The following WNT2 variants were observed in gnomAD, a reference collection of about 807,000 sequenced individuals.
WNT2 encodes the protein protein Wnt-2.
WNT2 carries 12 observed loss-of-function variants against 36.9 expected under a neutral mutation model. The ratio of observed to expected loss-of-function variants is 0.33; its 90% CI spans 0.21 to 0.53. The LOEUF (loss-of-function observed/expected upper bound fraction) is 0.53, where lower values mean the gene tolerates loss of function less well. Among genes scored for constraint, WNT2 ranks in the 20% least tolerant of loss-of-function variants. The pLI is 0.95. For synonymous variants in WNT2, 163 were observed against 174.6 expected, an observed-to-expected ratio of 0.93 and a Z score of 0.52; for missense variants, 379 against 473.1, an observed-to-expected ratio of 0.80 and a Z score of 1.84.
In WNT2 at chr7:117,322,810, G is replaced by A; in HGVS notation, c.83+97C>T. 2 of 1,283,502 alleles carry A rather than the reference G, an allele frequency of 1.6e-6. No individual in the cohort carries two copies. Among genetic ancestry groups the A allele is most frequent in the Non-Finnish European group, 2.2e-6 (2 of 894,270 alleles). The allele number at this position is 1,283,502 out of a possible 1,614,324, so 79.5% of individuals were successfully genotyped here. On this transcript the variant is annotated intron_variant, in intron 1 of 4. Coordinates refer to ENST00000265441, the MANE Select transcript of WNT2 (RefSeq NM_003391.3). The surrounding 1 kb of genome is among the most constrained non-coding windows in gnomAD (Gnocchi z 5.4). ...GTTCGGGCCAGAATCCGAGACTGCT[G>A]CGGCCGCGGGGGAACGCAGCCAGGA...
chr7:117,322,760 G>C lies in WNT2; in HGVS notation c.83+147C>G. The C allele has an allele frequency of 1.4e-6, 1 of 739,692 alleles. No homozygotes were observed. The highest frequency in any genetic ancestry group is 2.1e-5 in the Admixed American group (1 of 46,856). 45.8% of individuals were successfully genotyped at this position (739,692 alleles called of 1,614,324 possible). On this transcript the variant is annotated intron_variant, in intron 1 of 4. Transcript: ENST00000265441. The surrounding 1 kb of genome is among the most constrained non-coding windows in gnomAD (Gnocchi z 5.4). Reference sequence around the variant, plus strand: ...GGGAAAAGAGAAGGGGCTCACCATGGGGCGATAAGAGGGCAGTAGCCAGGG... The same window carrying C: ...GGGAAAAGAGAAGGGGCTCACCATGCGGCGATAAGAGGGCAGTAGCCAGGG...
In WNT2 at chr7:117,322,758, TG is replaced by T; in HGVS notation, c.83+148del. On this transcript the variant is annotated intron_variant, in intron 1 of 4. Transcript: ENST00000265441. The surrounding 1 kb of genome is among the most constrained non-coding windows in gnomAD (Gnocchi z 5.4). ...CTGGGAAAAGAGAAGGGGCTCACCA[TG>T]GGGCGATAAGAGGGCAGTAGCCAGG... The T allele has an allele frequency of 1.4e-6, 1 of 732,476 alleles. No homozygotes were observed. The highest frequency in any genetic ancestry group is 2.4e-6 in the Non-Finnish European group (1 of 423,758). The allele number at this position is 732,476 out of a possible 1,614,324, so 45.4% of individuals were successfully genotyped here. A position where few individuals can be genotyped will look rare whatever the true frequency, so the allele number is the denominator to read the frequency against.
At chr7:117,301,573 C>T (rs748377050) in intron 3 of WNT2, among the ~76,000 whole-genome samples, 3 of 152,148 alleles carry the variant, frequency 2.0e-5, no homozygotes, top group South Asian at 2.1e-4. Context: ...TAATTATCAC[C>T]GTCAGGCAAA....
At chr7:117,321,581 G>C (rs1483427707) in intron 1 of WNT2, among the ~76,000 whole-genome samples, 3 of 152,132 alleles carry the variant, frequency 2.0e-5, no homozygotes, top group Non-Finnish European at 2.9e-5. Context: ...TATAACCCAA[G>C]CTGCCATAGG....
chr7:117,283,590 G>T (rs369142862), intron 4 of WNT2, among the ~76,000 whole-genome samples: 3 of 152,136 alleles, frequency 2.0e-5, no homozygotes, highest in African/African-American at 7.2e-5. Context: ...TAATGGTCAT[G>T]GTGTCTTTTG....
intron 2 of WNT2, among the ~76,000 whole-genome samples, chr7:117,316,338 C>T (rs529464609): frequency 6.0e-4 from 92 of 152,238 alleles, no homozygotes; most frequent in Middle Eastern, 3.4e-3. Context: ...CTTTAGGGTC[C>T]GTGTGCACCT....
rs191911719 is a variant in WNT2 at position 117,289,260 on chromosome 7, G to A, written c.853+8352C>T. On this transcript the variant is annotated intron_variant, in intron 4 of 4. Transcript: ENST00000265441. Reference sequence around the variant, plus strand: ...TTTTTAGTAGAGACGGGGTTTCCCCGTGTTAGCCAGGATGGTCTTGATCTC... The same window carrying A: ...TTTTTAGTAGAGACGGGGTTTCCCCATGTTAGCCAGGATGGTCTTGATCTC... Among the ~76,000 whole-genome samples the A allele has an allele frequency of 8.8e-4, 133 of 151,860 alleles. 2 individuals carry two copies. Among genetic ancestry groups the A allele is most frequent in the Admixed American group, 7.4e-3 (113 of 15,256 alleles).
intron 4 of WNT2, among the ~76,000 whole-genome samples, chr7:117,295,241 C>G (rs1794767907): frequency 6.6e-6 from 1 of 152,222 alleles, no homozygotes; most frequent in Non-Finnish European, 1.5e-5. Context: ...TCTTTAACCT[C>G]TTAGAGCTTC....
chr7:117,319,526 G>GCC (rs1199044025), intron 2 of WNT2, among the ~76,000 whole-genome samples: 205 of 148,550 alleles, frequency 1.4e-3, no homozygotes, highest in Admixed American at 4.1e-3. Context: ...AGGAATTGGG[G>GCC]GGGGGGGTAG....
chr7:117,316,099 A>G (rs917425285), intron 2 of WNT2, among the ~76,000 whole-genome samples: 1 of 152,236 alleles, frequency 6.6e-6, no homozygotes, highest in African/African-American at 2.4e-5. Context: ...AAGACAGTGA[A>G]AAGTTTTTCT....
chr7:117,296,466 T>C (rs1333899139), intron 4 of WNT2, among the ~76,000 whole-genome samples: 1 of 152,192 alleles, frequency 6.6e-6, no homozygotes, highest in African/African-American at 2.4e-5. Flanking sequence ...TACCATTTTA[T>C]TGGTGCCTCT....
chr7:117,316,174 G>A (rs1795213443), intron 2 of WNT2, among the ~76,000 whole-genome samples: 1 of 152,190 alleles, frequency 6.6e-6, no homozygotes, highest in Admixed American at 6.5e-5. Flanking sequence ...ACCCTTTGGG[G>A]TGCTTTCTTA....
intron 3 of WNT2, among the ~76,000 whole-genome samples, chr7:117,299,755 C>T (rs1794866151): frequency 6.6e-6 from 1 of 152,138 alleles, no homozygotes; most frequent in Non-Finnish European, 1.5e-5. Flanking sequence ...CTCAGCCTCC[C>T]AAAATGGTGA....
At chr7:117,300,138 A>G (rs1794874757) in intron 3 of WNT2, among the ~76,000 whole-genome samples, 1 of 152,036 alleles carries the variant, frequency 6.6e-6, no homozygotes, top group Non-Finnish European at 1.5e-5. Context: ...GATAGGAGAA[A>G]TCTCTTAGGA....
intron 4 of WNT2, among the ~76,000 whole-genome samples, chr7:117,282,403 GAGGAGGAAGACA>G (rs1794504838): frequency 1.6e-5 from 2 of 121,394 alleles, no homozygotes; most frequent in African/African-American, 3.2e-5. Flanking sequence ...AGAGGAAGAG[GAGGAGGAAGACA>G]AGGAGGAGGA....
intron 4 of WNT2, among the ~76,000 whole-genome samples, chr7:117,293,440 T>C (rs1395831967): frequency 1.3e-5 from 2 of 152,080 alleles, no homozygotes; most frequent in Non-Finnish European, 2.9e-5. Context: ...GAATATTAAG[T>C]GTGCACGATT....
At chr7:117,315,425 T>C in intron 2 of WNT2, 77 bp from the exon 3 acceptor site, 3 of 1,448,258 alleles carry the variant, frequency 2.1e-6, no homozygotes, top group Non-Finnish European at 2.8e-6. Flanking sequence ...AATTGTTTAA[T>C]ATTTGCTCTG....
At position 117,315,336 on chromosome 7, in the gene WNT2, G is replaced by C; in HGVS notation, c.323C>G (p.Ser108Cys). 1 of 1,612,504 alleles carries C rather than the reference G, an allele frequency of 6.2e-7. No individual in the cohort carries two copies. Among genetic ancestry groups the C allele is most frequent in the South Asian group, 1.1e-5 (1 of 90,758 alleles). The change falls in exon 3 of 5, where the codon TCT (serine) becomes TGT (cysteine). Residue 108 changes from serine to cysteine, a missense_variant. Transcript: ENST00000265441. The part of the protein sequence containing the change: ...GRVLLRSSRE[S>C]AFVYAISSAG... Reference sequence around the variant, plus strand: ...TGAGGAGATGGCATAAACAAAGGCAGATTCCCGACTACCTGAAACAAAAAT... The same window carrying C: ...TGAGGAGATGGCATAAACAAAGGCACATTCCCGACTACCTGAAACAAAAAT...
At chr7:117,313,135 G>T (rs1795152773) in intron 3 of WNT2, among the ~76,000 whole-genome samples, 1 of 152,214 alleles carries the variant, frequency 6.6e-6, no homozygotes, top group Non-Finnish European at 1.5e-5. Context: ...AACAAGCCCA[G>T]GCTGTTCTCA....
Sources: allele counts gnomAD v4.1 joint callset (sites outside exome capture counted in the v4.1 genomes callset), GRCh38; gene constraint gnomAD v4.1.1; non-coding constraint Gnocchi (gnomAD v3.1); transcripts MANE v1.5; gene names NCBI Gene and HGNC (gene_info 2026-07-23, HGNC 2026-07-21).